Variants in ELOVL6 observed in about 807,000 individuals in gnomAD.
ELOVL6 encodes the protein very long chain fatty acid elongase 6.
Under a neutral mutation model 31.7 loss-of-function variants are expected in ELOVL6, and 8 were observed. The observed-to-expected ratio is 0.25, with a 90% CI of 0.15 to 0.45. The LOEUF (loss-of-function observed/expected upper bound fraction) is 0.45. Among genes scored for constraint, ELOVL6 ranks in the 20% least tolerant of loss-of-function variants. ELOVL6 has a pLI of 1.00. For synonymous variants in ELOVL6, 101 were observed against 117.7 expected, an observed-to-expected ratio of 0.86 and a Z score of 0.92; for missense variants, 126 against 326.4, an observed-to-expected ratio of 0.39 and a Z score of 4.73.
intron 1 of ELOVL6, among the ~76,000 whole-genome samples, chr4:110,132,383 T>C (rs1003840489): frequency 1.3e-5 from 2 of 152,130 alleles, no homozygotes; most frequent in African/African-American, 2.4e-5. Flanking sequence ...ATACAGTAAT[T>C]ATTCCATATA....
chr4:110,169,405 A>C (rs1758877744), intron 1 of ELOVL6, among the ~76,000 whole-genome samples: 1 of 149,348 alleles, frequency 6.7e-6, no homozygotes, highest in Non-Finnish European at 1.5e-5. Flanking sequence ...TGCCCAGCTA[A>C]TTTTTGTATT....
At chr4:110,097,914 G>A (rs980467219) in intron 2 of ELOVL6, among the ~76,000 whole-genome samples, 3 of 152,066 alleles carry the variant, frequency 2.0e-5, no homozygotes, top group African/African-American at 7.2e-5. Flanking sequence ...AATTTCTATG[G>A]TTCTTTGATA....
At chr4:110,167,070 C>G (rs1758799588) in intron 1 of ELOVL6, among the ~76,000 whole-genome samples, 1 of 152,182 alleles carries the variant, frequency 6.6e-6, no homozygotes, top group Admixed American at 6.6e-5. Flanking sequence ...GGCACACTCT[C>G]ATCATTTAGT....
intron 1 of ELOVL6, chr4:110,117,787 C>G (rs1757207964): frequency 7.4e-6 from 1 of 135,222 alleles, no homozygotes; most frequent in African/African-American, 2.8e-5. Context: ...GAGGCTGAGG[C>G]AGGAGAATGG....
In ELOVL6 at chr4:110,050,003, G is replaced by A. The variant is rs1754796221; in HGVS notation, c.*1335C>T. 1 of 152,034 alleles carries A rather than the reference G, an allele frequency of 6.6e-6. No homozygotes were observed. The highest frequency in any genetic ancestry group is 6.6e-5 in the Admixed American group (1 of 15,222). 9.4% of individuals were successfully genotyped at this position (152,034 alleles called of 1,614,324 possible). A position where few individuals can be genotyped will look rare whatever the true frequency, so the allele number is the denominator to read the frequency against. ...AGCAGGATGAATATCTTCTGATTTG[G>A]CCAAAGACATGACAAGTATTTCATA... On this transcript the variant is annotated 3_prime_UTR_variant, in exon 4 of 4. Coordinates refer to ENST00000302274, the MANE Select transcript of ELOVL6 (RefSeq NM_024090.3).
intron 1 of ELOVL6, chr4:110,117,906 A>ATATATATATATATC (rs1757226288): frequency 4.4e-5 from 1 of 22,866 alleles, no homozygotes; most frequent in African/African-American, 1.8e-4. Context: ...AAAAAAAAAT[A>ATATATATATATATC]TATATATATA....
chr4:110,076,137 C>T (rs1218826203), intron 2 of ELOVL6, among the ~76,000 whole-genome samples: 1 of 152,170 alleles, frequency 6.6e-6, no homozygotes, highest in Non-Finnish European at 1.5e-5. Context: ...AGCATCCTGA[C>T]AGACAGATGT....
chr4:110,058,217 C>T (rs951487263), intron 3 of ELOVL6, among the ~76,000 whole-genome samples: 1 of 152,106 alleles, frequency 6.6e-6, no homozygotes, highest in Non-Finnish European at 1.5e-5. Context: ...ATGAATGAAT[C>T]CACACTAATG....
chr4:110,105,706 T>C, intron 1 of ELOVL6, 78 bp from the exon 2 acceptor site: 2 of 1,332,586 alleles, frequency 1.5e-6, no homozygotes, highest in Non-Finnish European at 2.1e-6. Context: ...TTCTCCTCTT[T>C]GTAAGCACTG....
At chr4:110,130,961 A>G (rs1757649420) in intron 1 of ELOVL6, among the ~76,000 whole-genome samples, 1 of 152,260 alleles carries the variant, frequency 6.6e-6, no homozygotes, top group Non-Finnish European at 1.5e-5. Context: ...AAAGATCATT[A>G]GATACTTCAC....
rs144447780 is a variant in ELOVL6 at position 110,084,805 on chromosome 4, C to T, written c.221+20692G>A. On this transcript the variant is annotated intron_variant, in intron 2 of 3. Transcript: ENST00000302274. ...AGATGGGGTTTCACCATGTTGGTCACGCTGGTCTCGAACTCTTGACCTCAT... is the reference window on the plus strand; with the variant it reads ...AGATGGGGTTTCACCATGTTGGTCATGCTGGTCTCGAACTCTTGACCTCAT... 3.7e-3 allele frequency among the ~76,000 whole-genome samples: 551 copies of T among 150,898 alleles called. 3 individuals carry two copies. The highest frequency in any genetic ancestry group is 0.013 in the African/African-American group (522 of 40,988).
chr4:110,104,860 C>T (rs1403860299), intron 2 of ELOVL6, among the ~76,000 whole-genome samples: 1 of 152,184 alleles, frequency 6.6e-6, no homozygotes, highest in Non-Finnish European at 1.5e-5. Context: ...AGGAATGAGT[C>T]TGCACACCAG....
At chr4:110,090,461 C>T (rs988778255) in intron 2 of ELOVL6, among the ~76,000 whole-genome samples, 1 of 152,094 alleles carries the variant, frequency 6.6e-6, no homozygotes, top group African/African-American at 2.4e-5. Context: ...GTAAAGAAAT[C>T]CAGTCATTGA....
At chr4:110,071,916 A>G (rs1240312894) in intron 2 of ELOVL6, among the ~76,000 whole-genome samples, 2 of 152,220 alleles carry the variant, frequency 1.3e-5, no homozygotes, top group Non-Finnish European at 2.9e-5. Context: ...CAGGGCCTGC[A>G]ATATCTGGTG....
At chr4:110,134,337 C>T (rs1030691921) in intron 1 of ELOVL6, among the ~76,000 whole-genome samples, 1 of 152,164 alleles carries the variant, frequency 6.6e-6, no homozygotes, top group African/African-American at 2.4e-5. Flanking sequence ...CTGAGCCCTA[C>T]AAGTTGCCAG....
At chr4:110,151,808 T>C (rs1036058931) in intron 1 of ELOVL6, among the ~76,000 whole-genome samples, 6 of 152,214 alleles carry the variant, frequency 3.9e-5, no homozygotes, top group Non-Finnish European at 5.9e-5. Flanking sequence ...TTACTTAATC[T>C]CTTGGTTTCT....
chr4:110,108,778 A>T (rs1463447009), intron 1 of ELOVL6, among the ~76,000 whole-genome samples: 1 of 152,194 alleles, frequency 6.6e-6, no homozygotes, highest in Non-Finnish European at 1.5e-5. Flanking sequence ...AGTTAATGGG[A>T]ATCGGTTTGA....
In ELOVL6 at chr4:110,050,333, A is replaced by C. The variant is rs4698806; in HGVS notation, c.*1005T>G. On this transcript the variant is annotated 3_prime_UTR_variant, in exon 4 of 4. Transcript: ENST00000302274. ...TCAAACAGGGAGGGGCATACACACC[A>C]TCTGTCTGTCGAATTGATCTTCGGC... 1.3e-5 allele frequency: 2 copies of C among 152,410 alleles called. No homozygotes were observed. The highest frequency in any genetic ancestry group is 4.8e-5 in the African/African-American group (2 of 41,350). The allele number at this position is 152,410 out of a possible 1,614,324, so 9.4% of individuals were successfully genotyped here.
intron 3 of ELOVL6, among the ~76,000 whole-genome samples, chr4:110,056,122 T>TGGG (rs145744279): frequency 0.091 from 11,079 of 121,464 alleles, 489 homozygotes; most frequent in East Asian, 0.19. Flanking sequence ...TTGTGGGAGC[T>TGGG]GGGGGGGGGG....
Sources: gnomAD v4.1 joint callset for allele counts (sites outside exome capture counted in the v4.1 genomes callset) on GRCh38, gnomAD v4.1.1 for gene constraint, MANE v1.5 for transcripts, NCBI Gene and HGNC (gene_info 2026-07-23, HGNC 2026-07-21) for gene names.